Variants in FHIT observed in about 807,000 individuals in gnomAD.
FHIT encodes the protein bis(5'-adenosyl)-triphosphatase.
Under a neutral mutation model 17.9 loss-of-function variants are expected in FHIT, and 19 were observed. The observed-to-expected ratio is 1.06, with a 90% confidence interval of 0.74 to 1.56. The LOEUF is 1.56. FHIT is among the 40% of genes most tolerant of loss of function. The pLI is 0.00. For missense variants in FHIT, 248 were observed against 189.2 expected (o/e 1.31, Z -1.82); for synonymous variants, 81 against 69.7 (o/e 1.16, Z -0.81).
At position 60,146,256 on chromosome 3, in the gene FHIT, A is replaced by AAT. The variant is rs948353505; in HGVS notation, c.104-132105_104-132104insAT. Among the ~76,000 whole-genome samples the AAT allele has an allele frequency of 2.0e-4, 30 of 150,784 alleles. 1 individual carries two copies. The highest frequency in any genetic ancestry group is 5.8e-4 in the African/African-American group (24 of 41,062). ...TTTAACAATATACTCATTTAAAAAA[A>AAT]AAAAGGGCAGGGGGTAGGAGGGGGC... On this transcript the variant is annotated intron_variant, in intron 5 of 9. Coordinates refer to ENST00000492590, the MANE Select transcript of FHIT (RefSeq NM_002012.4).
intron 5 of FHIT, among the ~76,000 whole-genome samples, chr3:60,187,525 G>T (rs1332637632): frequency 3.3e-5 from 5 of 152,140 alleles, no homozygotes; most frequent in Non-Finnish European, 7.4e-5. Context: ...TCCTATCTTT[G>T]TGTTAATGAG....
intron 3 of FHIT, among the ~76,000 whole-genome samples, chr3:60,964,109 G>C (rs995461509): frequency 3.3e-5 from 5 of 152,120 alleles, no homozygotes; most frequent in Non-Finnish European, 5.9e-5. Context: ...ATGAATCTGG[G>C]TGCTCCTGTA....
At chr3:60,336,035 T>G (rs1393066420) in intron 5 of FHIT, among the ~76,000 whole-genome samples, 5 of 152,176 alleles carry the variant, frequency 3.3e-5, no homozygotes, top group Admixed American at 1.3e-4. Context: ...TAACAACAGC[T>G]GTTGGCCTGT....
At chr3:60,823,058 C>A (rs1458131002) in intron 3 of FHIT, among the ~76,000 whole-genome samples, 4 of 152,158 alleles carry the variant, frequency 2.6e-5, no homozygotes, top group African/African-American at 9.7e-5. Flanking sequence ...TAATTGAAAG[C>A]AGATGATCAT....
intron 5 of FHIT, among the ~76,000 whole-genome samples, chr3:60,094,636 C>G (rs17062191): frequency 0.089 from 13,613 of 152,104 alleles, 1,457 homozygotes; most frequent in East Asian, 0.5. Context: ...AATAAGACAC[C>G]TGTGAAAGGG....
intron 6 of FHIT, among the ~76,000 whole-genome samples, chr3:60,011,923 TTC>T (rs1053435829): frequency 7.2e-5 from 11 of 152,304 alleles, no homozygotes; most frequent in African/African-American, 2.6e-4. Context: ...CTGGTTCCCT[TTC>T]TCTGTTTCTG....
At chr3:60,581,515 T>C (rs888537506) in intron 4 of FHIT, among the ~76,000 whole-genome samples, 1 of 152,106 alleles carries the variant, frequency 6.6e-6, no homozygotes, top group Non-Finnish European at 1.5e-5. Context: ...GATAACAAAA[T>C]TAATTATCCT....
At chr3:60,866,781 G>A (rs1263675805) in intron 3 of FHIT, among the ~76,000 whole-genome samples, 2 of 152,120 alleles carry the variant, frequency 1.3e-5, no homozygotes, top group Non-Finnish European at 2.9e-5. Context: ...ACAATTATCA[G>A]GAGATATAAT....
intron 4 of FHIT, among the ~76,000 whole-genome samples, chr3:60,710,708 C>T (rs561494605): frequency 8.6e-4 from 131 of 152,252 alleles, no homozygotes; most frequent in Non-Finnish European, 1.5e-3. Context: ...AAGGCGGCAG[C>T]GAGGCTGGGG....
At chr3:60,095,263 CCATTT>C (rs1384838463) in intron 5 of FHIT, among the ~76,000 whole-genome samples, 1 of 152,184 alleles carries the variant, frequency 6.6e-6, no homozygotes, top group Non-Finnish European at 1.5e-5. Flanking sequence ...TGCATACATT[CCATTT>C]AACACCCAAA....
chr3:60,264,913 A>G (rs976173206), intron 5 of FHIT, among the ~76,000 whole-genome samples: 1 of 151,804 alleles, frequency 6.6e-6, no homozygotes, highest in Non-Finnish European at 1.5e-5. Context: ...TTTTAATACC[A>G]CAGATTTTCT....
chr3:60,601,007 G>A (rs2107713109), intron 4 of FHIT, among the ~76,000 whole-genome samples: 1 of 152,270 alleles, frequency 6.6e-6, no homozygotes, highest in African/African-American at 2.4e-5. Flanking sequence ...AGGACAACCT[G>A]CACACAGCAG....
At chr3:60,877,315 G>A (rs2107104667) in intron 3 of FHIT, among the ~76,000 whole-genome samples, 1 of 152,332 alleles carries the variant, frequency 6.6e-6, no homozygotes, top group South Asian at 2.1e-4. Flanking sequence ...GCCAGCAGCT[G>A]TTAATGCCTT....
intron 5 of FHIT, among the ~76,000 whole-genome samples, chr3:60,032,398 G>C (rs1415053237): frequency 6.6e-6 from 1 of 151,982 alleles, no homozygotes; most frequent in East Asian, 1.9e-4. Flanking sequence ...GTTGCAGTAA[G>C]CTATGATCAT....
At chr3:60,532,489 T>G (rs539632462) in intron 5 of FHIT, among the ~76,000 whole-genome samples, 1 of 152,308 alleles carries the variant, frequency 6.6e-6, no homozygotes, top group Admixed American at 6.5e-5. Context: ...TGGGCTGCAC[T>G]GAGACACAGG....
intron 4 of FHIT, among the ~76,000 whole-genome samples, chr3:60,541,216 C>G (rs938785169): frequency 6.6e-6 from 1 of 152,202 alleles, no homozygotes; most frequent in Non-Finnish European, 1.5e-5. Context: ...GCTCTTTATA[C>G]CAAGTCCATC....
chr3:60,119,596 C>G (rs1477706684), intron 5 of FHIT, among the ~76,000 whole-genome samples: 1 of 152,032 alleles, frequency 6.6e-6, no homozygotes, highest in Non-Finnish European at 1.5e-5. Context: ...TTAATTTTGT[C>G]CCTGTATGGG....
chr3:60,342,314 T>G (rs1710562741), intron 5 of FHIT, among the ~76,000 whole-genome samples: 1 of 152,200 alleles, frequency 6.6e-6, no homozygotes, highest in Non-Finnish European at 1.5e-5. Context: ...TCAATAGGAT[T>G]TAAAAGTCAC....
At chr3:60,924,517 C>G (rs1398840426) in intron 3 of FHIT, among the ~76,000 whole-genome samples, 1 of 152,266 alleles carries the variant, frequency 6.6e-6, no homozygotes, top group Non-Finnish European at 1.5e-5. Context: ...AGAAGGAAAA[C>G]TAACAAACAG....
Sources: allele counts gnomAD v4.1 joint callset (sites outside exome capture counted in the v4.1 genomes callset), GRCh38; gene constraint gnomAD v4.1.1; transcripts MANE v1.5; gene names NCBI Gene and HGNC (gene_info 2026-07-23, HGNC 2026-07-21).